Variants in TMEM131L observed in about 807,000 individuals in gnomAD.
TMEM131L encodes the protein transmembrane 131 like, also known as transmembrane protein 131-like.
TMEM131L carries 54 observed loss-of-function variants against 192.2 expected under a neutral mutation model. The observed-to-expected ratio is 0.28, with a 90% confidence interval of 0.23 to 0.35. The LOEUF is 0.35. TMEM131L is among the 10% of genes least tolerant of loss of function. The pLI is 1.00. For missense variants in TMEM131L, 1,888 were observed against 1,972.9 expected (o/e 0.96, Z 0.82); for synonymous variants, 701 against 704.9 (o/e 0.99, Z 0.09).
rs1578923424 is a variant in TMEM131L at position 153,636,522 on chromosome 4, T to C, written c.4779T>C (p.Asn1593=). Residue 1593 remains asparagine, a synonymous_variant, in exon 35 of 35, where the codon AAT becomes AAC. Coordinates refer to ENST00000409959, the MANE Select transcript of TMEM131L (RefSeq NM_001131007.2). ...TGGACATATGGACTACCACAGCGAA[T>C]AGGAATGCAAATTTCCCACTGTCTA... ...MNLDIWTTTA[N]RNANFPLSRD... 6.2e-7 allele frequency: 1 copy of C among 1,614,082 alleles called. No individual in the cohort carries two copies. The highest frequency in any genetic ancestry group is 1.3e-5 in the African/African-American group (1 of 74,920).
intron 3 of TMEM131L, among the ~76,000 whole-genome samples, chr4:153,539,031 G>A (rs925243342): frequency 6.6e-6 from 1 of 152,180 alleles, no homozygotes; most frequent in Non-Finnish European, 1.5e-5. Context: ...GAAAGAAGAC[G>A]AGAAGGGGGG....
intron 20 of TMEM131L, among the ~76,000 whole-genome samples, chr4:153,596,984 T>C (rs145221662): frequency 7.2e-5 from 11 of 152,306 alleles, no homozygotes; most frequent in African/African-American, 2.4e-4. Flanking sequence ...TAAATACAGA[T>C]GTATCTTGAA....
At chr4:153,501,943 G>GTTTTTT (rs575832226) in intron 3 of TMEM131L, among the ~76,000 whole-genome samples, 1 of 117,392 alleles carries the variant, frequency 8.5e-6, no homozygotes, top group African/African-American at 3.6e-5. Flanking sequence ...CCCCCAAAGG[G>GTTTTTT]TTTTTTTTTT....
At chr4:153,552,521 C>G (rs908504831) in intron 4 of TMEM131L, among the ~76,000 whole-genome samples, 1 of 152,128 alleles carries the variant, frequency 6.6e-6, no homozygotes, top group Non-Finnish European at 1.5e-5. Flanking sequence ...TACACACAAC[C>G]TCCCATATAC....
intron 3 of TMEM131L, among the ~76,000 whole-genome samples, chr4:153,508,894 T>G (rs1734165756): frequency 1.3e-5 from 2 of 151,874 alleles, no homozygotes; most frequent in African/African-American, 4.8e-5. Context: ...TCTTCCCGCC[T>G]TGGCCTCCCA....
At chr4:153,486,098 A>G (rs1266550691) in intron 3 of TMEM131L, among the ~76,000 whole-genome samples, 1 of 152,202 alleles carries the variant, frequency 6.6e-6, no homozygotes, top group East Asian at 1.9e-4. Flanking sequence ...TAACGGATGG[A>G]AGCAACTGAA....
At chr4:153,556,885 T>C in intron 5 of TMEM131L, 81 bp from the exon 6 acceptor site, 1 of 712,756 alleles carries the variant, frequency 1.4e-6, no homozygotes, top group African/African-American at 1.8e-5. Context: ...TTAACAGAAA[T>C]TGTCAAAAAA....
chr4:153,605,945 A>G (rs923213671), intron 25 of TMEM131L, among the ~76,000 whole-genome samples: 33 of 152,118 alleles, frequency 2.2e-4, no homozygotes, highest in African/African-American at 7.5e-4. Flanking sequence ...ATTTAGTCCA[A>G]CCCGTTTGTA....
At chr4:153,487,789 C>T (rs557985630) in intron 3 of TMEM131L, among the ~76,000 whole-genome samples, 11 of 143,232 alleles carry the variant, frequency 7.7e-5, no homozygotes, top group Non-Finnish European at 1.5e-4. Flanking sequence ...TGGGAGTGTG[C>T]GAGAGAGAGG....
chr4:153,546,718 A>G (rs758611772), intron 3 of TMEM131L, among the ~76,000 whole-genome samples: 13 of 152,232 alleles, frequency 8.5e-5, no homozygotes, highest in Non-Finnish European at 7.3e-5. Context: ...ACCTGAGGTC[A>G]GGAGTTTGAG....
intron 17 of TMEM131L, among the ~76,000 whole-genome samples, chr4:153,591,547 TC>T (rs747047556): frequency 1.3e-5 from 2 of 152,124 alleles, no homozygotes; most frequent in Non-Finnish European, 2.9e-5. Flanking sequence ...GGACTGAGGC[TC>T]CCCTCCCTGT....
At chr4:153,503,867 A>G (rs1490738347) in intron 3 of TMEM131L, among the ~76,000 whole-genome samples, 1 of 152,268 alleles carries the variant, frequency 6.6e-6, no homozygotes, top group African/African-American at 2.4e-5. Flanking sequence ...TTCTTTAATA[A>G]GGAAAGACAA....
intron 3 of TMEM131L, among the ~76,000 whole-genome samples, chr4:153,475,157 A>G (rs1053721260): frequency 6.6e-6 from 1 of 152,210 alleles, no homozygotes; most frequent in Non-Finnish European, 1.5e-5. Flanking sequence ...AATTTGAAAT[A>G]TTGGTGTTTG....
chr4:153,511,922 T>G (rs1406258896), intron 3 of TMEM131L, among the ~76,000 whole-genome samples: 1 of 152,232 alleles, frequency 6.6e-6, no homozygotes, highest in Non-Finnish European at 1.5e-5. Context: ...CCATTTAAAA[T>G]AAACATTTAA....
At chr4:153,573,344 A>C (rs2150640923) in intron 7 of TMEM131L, among the ~76,000 whole-genome samples, 1 of 152,376 alleles carries the variant, frequency 6.6e-6, no homozygotes, top group Middle Eastern at 3.4e-3. Context: ...ACAAAGCTTA[A>C]ACTTTTGCCG....
chr4:153,631,475 G>T (rs1332379519), intron 31 of TMEM131L, among the ~76,000 whole-genome samples: 1 of 152,136 alleles, frequency 6.6e-6, no homozygotes, highest in African/African-American at 2.4e-5. Flanking sequence ...GCCCTAGATG[G>T]ATGCCACACA....
intron 3 of TMEM131L, among the ~76,000 whole-genome samples, chr4:153,540,978 C>G (rs6833595): frequency 0.21 from 31,570 of 152,020 alleles, 3,400 homozygotes; most frequent in Middle Eastern, 0.28. Flanking sequence ...ACTGAATGTT[C>G]GTGCTAACTT....
intron 3 of TMEM131L, 22 bp from the exon 4 acceptor site, chr4:153,550,051 A>G (rs955670493): frequency 3.1e-6 from 4 of 1,304,354 alleles, no homozygotes; most frequent in Non-Finnish European, 4.2e-6. Context: ...CAACAAAATC[A>G]ACCTCTCTTT....
intron 2 of TMEM131L, among the ~76,000 whole-genome samples, chr4:153,471,764 T>A (rs1173025997): frequency 6.6e-6 from 1 of 152,184 alleles, no homozygotes; most frequent in Non-Finnish European, 1.5e-5. Flanking sequence ...GGCTCAGTGC[T>A]CCACTGCCGT....
Sources: allele counts gnomAD v4.1 joint callset (sites outside exome capture counted in the v4.1 genomes callset), GRCh38; gene constraint gnomAD v4.1.1; transcripts MANE v1.5; gene names NCBI Gene and HGNC (gene_info 2026-07-23, HGNC 2026-07-21).